Variants in ICMT observed in about 807,000 individuals in gnomAD.
ICMT encodes protein-S-isoprenylcysteine O-methyltransferase.
A neutral mutation model predicts 32.2 loss-of-function variants in ICMT; 10 were observed. The observed-to-expected ratio is 0.31, with a 90% CI of 0.19 to 0.53. The LOEUF is 0.53. Among genes scored for constraint, ICMT ranks in the 20% least tolerant of loss-of-function variants. The pLI, the probability that ICMT is intolerant of heterozygous loss-of-function variation, is 0.96. For synonymous variants in ICMT, 183 were observed against 158.2 expected (o/e 1.16, Z -1.18); for missense variants, 265 against 356.9 (o/e 0.74, Z 2.07).
chr1:6,234,194 C>G lies in ICMT; in HGVS notation c.285-551G>C, dbSNP rs115089021. Among the ~76,000 whole-genome samples the G allele has an allele frequency of 5.6e-3, 855 of 152,240 alleles. 11 individuals are homozygous for G. Among genetic ancestry groups the G allele is most frequent in the African/African-American group, 0.019 (783 of 41,524 alleles). ...CCGGCAAGGGACTGTTTTTGAATGTCACAGGCAAAACAAACCCATAGGTCA... is the reference window on the plus strand; with the variant it reads ...CCGGCAAGGGACTGTTTTTGAATGTGACAGGCAAAACAAACCCATAGGTCA... On this transcript the variant is annotated intron_variant, in intron 2 of 4. Coordinates refer to ENST00000343813, the MANE Select transcript of ICMT (RefSeq NM_012405.4).
intron 1 of ICMT, 103 bp downstream of exon 1, chr1:6,235,614 C>G: frequency 1.1e-5 from 8 of 754,138 alleles, no homozygotes; most frequent in Non-Finnish European, 1.4e-5. Flanking sequence ...AGAGCGCGCG[C>G]GTGGGAGGCC....
chr1:6,231,205 C>A (rs374746488), intron 4 of ICMT, among the ~76,000 whole-genome samples: 1 of 151,710 alleles, frequency 6.6e-6, no homozygotes, highest in Non-Finnish European at 1.5e-5. Context: ...AGAAAAGAAA[C>A]GAAACAAGGC....
intron 3 of ICMT, 103 bp downstream of exon 3, chr1:6,233,371 G>C: frequency 9.5e-7 from 1 of 1,057,366 alleles, no homozygotes; most frequent in Non-Finnish European, 1.4e-6. Flanking sequence ...GCGGAAAATC[G>C]CTTGGGGGAG....
chr1:6,233,655 CAAAA>C lies in ICMT; in HGVS notation c.285-16_285-13del. ...GGGAGCACATGTACCTATTTAAAGA[CAAAA>C]AGAGAGTTAAGTTGGGACAAGAGAA... On this transcript the variant is annotated splice_polypyrimidine_tract_variant and intron_variant, in intron 2 of 4. Transcript: ENST00000343813. The C allele has an allele frequency of 6.2e-7, 1 of 1,602,054 alleles. No homozygotes were observed. The highest frequency in any genetic ancestry group is 8.5e-7 in the Non-Finnish European group (1 of 1,175,520).
chr1:6,235,704 C>A lies in ICMT; in HGVS notation c.195+13G>T. 1 of 1,195,182 alleles carries A rather than the reference C, an allele frequency of 8.4e-7. No homozygotes were observed. Among genetic ancestry groups the A allele is most frequent in the South Asian group, 3.2e-5 (1 of 31,456 alleles). The allele number at this position is 1,195,182 out of a possible 1,614,324, so 74.0% of individuals were successfully genotyped here. ...CGCCCCGCCGGCCCCCGCCGGCCCC[C>A]GCCGGCCTGCACCTGGTAGCGAGGC... On this transcript the variant is annotated intron_variant, in intron 1 of 4. Transcript: ENST00000343813.
chr1:6,235,638 G>A, intron 1 of ICMT, 79 bp downstream of exon 1: 2 of 981,968 alleles, frequency 2.0e-6, no homozygotes, highest in Non-Finnish European at 2.5e-6. Context: ...GCGGGCCCGG[G>A]GAGAAAGGTG....
chr1:6,225,761 G>A (rs1457203142), intron 4 of ICMT, among the ~76,000 whole-genome samples: 3 of 151,364 alleles, frequency 2.0e-5, no homozygotes, highest in Non-Finnish European at 4.4e-5. Context: ...GAGCTCCAGA[G>A]ACTGAACCCC....
chr1:6,233,948 A>G (rs191789824), intron 2 of ICMT, among the ~76,000 whole-genome samples: 6 of 152,326 alleles, frequency 3.9e-5, no homozygotes, highest in African/African-American at 1.4e-4. Flanking sequence ...TCCCAGGTTC[A>G]AGCGATTCTC....
chr1:6,230,204 T>C (rs1668711553), intron 4 of ICMT, among the ~76,000 whole-genome samples: 1 of 152,036 alleles, frequency 6.6e-6, no homozygotes, highest in African/African-American at 2.4e-5. Context: ...AACCTCCACC[T>C]CCCAGGTTCA....
intron 2 of ICMT, chr1:6,234,304 G>A (rs1205816546): frequency 5.4e-6 from 2 of 368,142 alleles, no homozygotes; most frequent in African/African-American, 4.3e-5. Context: ...ACATAAAGGA[G>A]TGATGTATGT....
intron 4 of ICMT, among the ~76,000 whole-genome samples, chr1:6,228,923 T>C (rs1557601662): frequency 4.0e-5 from 6 of 151,730 alleles, no homozygotes; most frequent in Admixed American, 2.6e-4. Context: ...TCCCAGCTAC[T>C]CGCGGGGGCT....
intron 1 of ICMT, 28 bp from the exon 2 acceptor site, chr1:6,235,002 C>G: frequency 6.4e-7 from 1 of 1,572,644 alleles, no homozygotes; most frequent in South Asian, 1.1e-5. Context: ...GAAGCTCAGT[C>G]ATTCACAGTC....
At chr1:6,229,996 T>C (rs1668707879) in intron 4 of ICMT, among the ~76,000 whole-genome samples, 1 of 151,946 alleles carries the variant, frequency 6.6e-6, no homozygotes. Context: ...GTCTCTCGAC[T>C]AGCTGGAATT....
At chr1:6,230,586 TAAAAAAAA>T (rs34068915) in intron 4 of ICMT, among the ~76,000 whole-genome samples, 6 of 104,334 alleles carry the variant, frequency 5.8e-5, no homozygotes, top group Non-Finnish European at 1.1e-4. Flanking sequence ...ATCCTGTCTT[TAAAAAAAA>T]AAAAAAAAAA....
At chr1:6,235,103 A>C in intron 1 of ICMT, 129 bp from the exon 2 acceptor site, 1 of 687,538 alleles carries the variant, frequency 1.5e-6, no homozygotes. Context: ...TGAAAGGGAG[A>C]AGTGGGCGAC....
chr1:6,227,301 G>A (rs1668659497), intron 4 of ICMT, among the ~76,000 whole-genome samples: 2 of 152,200 alleles, frequency 1.3e-5, no homozygotes, highest in South Asian at 4.1e-4. Flanking sequence ...TCCCAGGGAA[G>A]GTGATTGTTA....
chr1:6,235,887 GAGCCCGCGCCGCGC>G lies in ICMT; in HGVS notation c.11_24del (p.Cys4SerfsTer5). 1 of 1,137,346 alleles carries G rather than the reference GAGCCCGCGCCGCGC, an allele frequency of 8.8e-7. No individual in the cohort carries two copies. Among genetic ancestry groups the G allele is most frequent in the Non-Finnish European group, 1.1e-6 (1 of 929,204 alleles). The allele number at this position is 1,137,346 out of a possible 1,614,324, so 70.5% of individuals were successfully genotyped here. A position where few individuals can be genotyped will look rare whatever the true frequency, so the allele number is the denominator to read the frequency against. On this transcript the variant is annotated frameshift_variant, in exon 1 of 5. Transcript: ENST00000343813. LOFTEE classifies it high-confidence loss of function. ...CTGAGACGCGCCTCAGAGCCCGGCG[GAGCCCGCGCCGCGC>G]AGCCCGCCATGGCGCCGGGCGGCGG...
chr1:6,227,600 A>T (rs1668664085), intron 4 of ICMT, among the ~76,000 whole-genome samples: 1 of 152,234 alleles, frequency 6.6e-6, no homozygotes, highest in Non-Finnish European at 1.5e-5. Flanking sequence ...TCACGCCTGT[A>T]ATCCCAGCAC....
intron 4 of ICMT, among the ~76,000 whole-genome samples, chr1:6,230,586 TAAAAAAAAAAA>T (rs34068915): frequency 9.6e-6 from 1 of 104,334 alleles, no homozygotes; most frequent in South Asian, 3.4e-4. Context: ...ATCCTGTCTT[TAAAAAAAAAAA>T]AAAAAAAAAA....
Sources: allele counts gnomAD v4.1 joint callset (sites outside exome capture counted in the v4.1 genomes callset), GRCh38; gene constraint gnomAD v4.1.1; transcripts MANE v1.5; gene names NCBI Gene and HGNC (gene_info 2026-07-23, HGNC 2026-07-21).